NEBL: variants seen among roughly 807,000 people sequenced by gnomAD.
The protein encoded by NEBL is nebulette, also known as LIM and SH3 protein 2.
Under a neutral mutation model 140.2 loss-of-function variants are expected in NEBL, and 122 were observed. The ratio of observed to expected loss-of-function variants is 0.87; its 90% confidence interval spans 0.75 to 1.01. The LOEUF (loss-of-function observed/expected upper bound fraction) is 1.01, where lower values mean the gene tolerates loss of function less well. Ranked by LOEUF, NEBL falls within the 50% of genes least tolerant of loss-of-function variation. NEBL has a pLI of 0.00. For missense variants in NEBL, 1,365 were observed against 1,231.3 expected (o/e 1.11, Z -1.62); for synonymous variants, 436 against 398.9 (o/e 1.09, Z -1.11).
At position 21,272,118 on chromosome 10, in the gene NEBL, A is replaced by ATTTTTTTTTTTTTTTTTTT. The variant is rs10678454; in HGVS notation, n.183-20309_183-20291dup. Among the ~76,000 whole-genome samples, 57 of 79,092 alleles carry ATTTTTTTTTTTTTTTTTTT rather than the reference A, an allele frequency of 7.2e-4. 3 individuals are homozygous for ATTTTTTTTTTTTTTTTTTT. Among genetic ancestry groups the ATTTTTTTTTTTTTTTTTTT allele is most frequent in the Non-Finnish European group, 1.2e-3 (50 of 43,154 alleles). 51.9% of individuals were successfully genotyped at this position (79,092 alleles called of 152,430 possible). On this transcript the variant is annotated intron_variant and non_coding_transcript_variant, in intron 1 of 8. Transcript: ENST00000675702. ...AGGCACCCGCCACCACACTTGGTTAATTTTTTTTTTTTTTTTTTTTTTTTT... is the reference window on the plus strand; with the variant it reads ...AGGCACCCGCCACCACACTTGGTTAATTTTTTTTTTTTTTTTTTTTTTTTTTTTTTTTTTTTTTTTTTTT...
chr10:21,239,636 G>T (rs796088911), intron 3 of NEBL, among the ~76,000 whole-genome samples: 7 of 152,102 alleles, frequency 4.6e-5, no homozygotes, highest in African/African-American at 1.7e-4. Flanking sequence ...GAACATTCGG[G>T]GCCTTGACCC....
At chr10:21,250,594 T>C (rs1448177410) in intron 2 of NEBL, among the ~76,000 whole-genome samples, 2 of 152,140 alleles carry the variant, frequency 1.3e-5, no homozygotes, top group Non-Finnish European at 2.9e-5. Context: ...ACAGAGCCTC[T>C]CATATCCAGT....
chr10:21,251,536 TCTGCAGATGTCC>T (rs1396725006), intron 2 of NEBL, among the ~76,000 whole-genome samples: 4 of 152,218 alleles, frequency 2.6e-5, no homozygotes, highest in Non-Finnish European at 5.9e-5. Flanking sequence ...AAATAAGGTC[TCTGCAGATGTCC>T]CTTCTCCAAG....
At chr10:20,799,275 C>T (rs970800661) in intron 26 of NEBL, among the ~76,000 whole-genome samples, 1 of 152,196 alleles carries the variant, frequency 6.6e-6, no homozygotes, top group African/African-American at 2.4e-5. Flanking sequence ...CCTGCCTCAG[C>T]ATCCTAAGTA....
At position 21,254,234 on chromosome 10, in the gene NEBL, C is replaced by T. The variant is rs180881201; in HGVS notation, n.183-2406G>A. Among the ~76,000 whole-genome samples the T allele has an allele frequency of 2.5e-3, 383 of 152,196 alleles. 3 individuals carry two copies. Among genetic ancestry groups the T allele is most frequent in the African/African-American group, 8.2e-3 (339 of 41,536 alleles). On this transcript the variant is annotated intron_variant and non_coding_transcript_variant, in intron 1 of 8. Transcript: ENST00000675702. The stretch of plus-strand genomic sequence containing the variant: ...CTCACTGCAGCCTTGAACCACTGGG[C>T]TCAAGTGATCCTCCCATCTCAGCCT...
At chr10:21,211,007 A>C (rs1841906678) in intron 3 of NEBL, among the ~76,000 whole-genome samples, 1 of 152,198 alleles carries the variant, frequency 6.6e-6, no homozygotes, top group African/African-American at 2.4e-5. Context: ...ATGACCCAAA[A>C]ACAGAAAACC....
chr10:21,052,100 AC>A (rs1834804469), intron 2 of NEBL, among the ~76,000 whole-genome samples: 1 of 152,176 alleles, frequency 6.6e-6, no homozygotes, highest in African/African-American at 2.4e-5. Context: ...TAAAAAAAAA[AC>A]TTTACATATC....
intron 1 of NEBL, among the ~76,000 whole-genome samples, chr10:21,253,297 C>A (rs1026935135): frequency 1.3e-5 from 2 of 152,020 alleles, no homozygotes; most frequent in African/African-American, 4.8e-5. Flanking sequence ...AAGGCAGAAG[C>A]CAGAGACTAC....
intron 1 of NEBL, among the ~76,000 whole-genome samples, chr10:21,284,065 C>G (rs976572246): frequency 6.9e-6 from 1 of 145,056 alleles, no homozygotes; most frequent in African/African-American, 2.6e-5. Flanking sequence ...AAAAAATGAG[C>G]CAGGTATGGT....
intron 4 of NEBL, among the ~76,000 whole-genome samples, chr10:20,915,899 A>G (rs1025406818): frequency 1.3e-5 from 2 of 152,216 alleles, no homozygotes; most frequent in Non-Finnish European, 2.9e-5. Flanking sequence ...CTAACCAAAC[A>G]TTTATATCCA....
chr10:20,790,163 C>T (rs973698658), intron 26 of NEBL, among the ~76,000 whole-genome samples: 1 of 152,022 alleles, frequency 6.6e-6, no homozygotes, highest in African/African-American at 2.4e-5. Flanking sequence ...ATCTATCTAG[C>T]CCTTGCAGTT....
Position 20,845,301 on chromosome 10 carries a change from G to A in NEBL, c.1184C>T (p.Pro395Leu), listed in dbSNP as rs999872053. The A allele has an allele frequency of 6.2e-7, 1 of 1,604,488 alleles. No individual in the cohort carries two copies. Among genetic ancestry groups the A allele is most frequent in the Non-Finnish European group, 8.5e-7 (1 of 1,171,742 alleles). ...GRSSLDLDKT[P>L]EFLHVKYITN... ...GATGTACTTTACATGTAAAAATTCT[G>A]GAGTCTTGTCTAAATCCAGTGATGA... is the stretch of plus-strand genomic sequence containing the variant. The change falls in exon 12 of 28, where the codon CCA becomes CTA. Residue 395 changes from proline to leucine, a missense_variant. Pro to Leu is a moderately conservative substitution (Grantham distance 98). This residue lies in a region of NEBL where 1,323 missense variants were observed against 1,154.8 expected (regional missense o/e 1.15). Coordinates refer to ENST00000377122, the MANE Select transcript of NEBL (RefSeq NM_006393.3).
At chr10:21,087,111 GAC>G (rs1301668372) in intron 2 of NEBL, among the ~76,000 whole-genome samples, 2 of 152,074 alleles carry the variant, frequency 1.3e-5, no homozygotes, top group African/African-American at 4.8e-5. Flanking sequence ...TAAAACATAT[GAC>G]ACAGTGTCAC....
At chr10:21,087,252 A>G (rs1237619611) in intron 2 of NEBL, among the ~76,000 whole-genome samples, 1 of 152,224 alleles carries the variant, frequency 6.6e-6, no homozygotes, top group African/African-American at 2.4e-5. Context: ...CACTAAATAA[A>G]TGAGTCAGTA....
At chr10:21,029,832 G>T (rs1421681497) in intron 2 of NEBL, 2 of 697,284 alleles carry the variant, frequency 2.9e-6, no homozygotes, top group African/African-American at 1.8e-5. Context: ...ATAGGCAGTG[G>T]CAGAAGGGCA....
At chr10:21,092,813 A>C (rs1836984669) in intron 2 of NEBL, among the ~76,000 whole-genome samples, 1 of 152,098 alleles carries the variant, frequency 6.6e-6, no homozygotes, top group African/African-American at 2.4e-5. Flanking sequence ...GAATGAATCG[A>C]GTAAGGCATT....
chr10:21,145,996 C>A (rs1218979013), intron 2 of NEBL, among the ~76,000 whole-genome samples: 1 of 152,142 alleles, frequency 6.6e-6, no homozygotes, highest in African/African-American at 2.4e-5. Context: ...AACCCTAACC[C>A]CCTCCTCGCC....
intron 2 of NEBL, among the ~76,000 whole-genome samples, chr10:21,040,848 G>C (rs937336911): frequency 6.6e-6 from 1 of 152,112 alleles, no homozygotes; most frequent in African/African-American, 2.4e-5. Flanking sequence ...GTTTAAAAGT[G>C]TGTAGCACCT....
In NEBL at chr10:20,969,082, C is replaced by T. The variant is rs939070034; in HGVS notation, c.250-7303G>A. Among the ~76,000 whole-genome samples, 11 of 152,120 alleles carry T rather than the reference C, an allele frequency of 7.2e-5. No individual in the cohort carries two copies. In the East Asian group the frequency reaches 7.7e-4, roughly 11 times the overall value. ...TGATTGATTACTATCTAGTTTTGTACGTTTAAGGTCTAAAATGCAGAAAAT... is the reference window on the plus strand; with the variant it reads ...TGATTGATTACTATCTAGTTTTGTATGTTTAAGGTCTAAAATGCAGAAAAT... On this transcript the variant is annotated intron_variant, in intron 3 of 6. Transcript: ENST00000417816.
Sources: gnomAD v4.1 joint callset for allele counts (sites outside exome capture counted in the v4.1 genomes callset) on GRCh38, gnomAD v4.1.1 for gene constraint, gnomAD v4.1.1 regional missense constraint, MANE v1.5 for transcripts, NCBI Gene and HGNC (gene_info 2026-07-23, HGNC 2026-07-21) for gene names.